The following TMPRSS12 variants were observed in gnomAD, a reference collection of about 807,000 sequenced individuals.
TMPRSS12 encodes the protein transmembrane protease serine 12.
TMPRSS12 carries 25 observed loss-of-function variants against 26.0 expected under a neutral mutation model. The observed-to-expected ratio is 0.96, with a 90% CI of 0.70 to 1.34. TMPRSS12 has a LOEUF of 1.34. Among genes scored for constraint, TMPRSS12 ranks in the 40% most tolerant of loss-of-function variants. The pLI is 0.00. For synonymous variants in TMPRSS12, 150 were observed against 161.7 expected (o/e 0.93, Z 0.55); for missense variants, 441 against 440.1 (o/e 1.00, Z -0.02).
Position 50,872,874 on chromosome 12 carries a change from A to G in TMPRSS12, c.653-12372A>G, listed in dbSNP as rs375187294. 1.8e-3 allele frequency among the ~76,000 whole-genome samples: 200 copies of G among 108,562 alleles called. 18 individuals carry two copies. The highest frequency in any genetic ancestry group is 4.8e-3 in the East Asian group (13 of 2,688). 71.2% of individuals were successfully genotyped at this position (108,562 alleles called of 152,430 possible). A position where few individuals can be genotyped will look rare whatever the true frequency, so the allele number is the denominator to read the frequency against. On this transcript the variant is annotated intron_variant, in intron 3 of 4. Transcript: ENST00000398458. ...TGTACATATATATGACTATATATGT[A>G]CATATATATGACGTATATATGTACA... is the stretch of plus-strand genomic sequence containing the variant.
rs1402597915 is a variant in TMPRSS12, at chr12:50,843,037, C to T, written c.73C>T (p.Pro25Ser). 1.9e-6 allele frequency: 3 copies of T among 1,605,756 alleles called. No individual in the cohort carries two copies. Among genetic ancestry groups the T allele is most frequent in the Non-Finnish European group, 2.6e-6 (3 of 1,176,368 alleles). ...TCACTTATACTCAGACCACTACTCG[C>T]CCTCTGGAAGGCACAGGCTCGGCCC... ...SSHLYSDHYSPSGRHRLGPSP... is the reference protein window; with the variant it reads ...SSHLYSDHYSSSGRHRLGPSP... Residue 25 changes from proline to serine, a missense_variant, in exon 1 of 5, where the codon CCC (proline) becomes TCC (serine). Pro to Ser is a moderately conservative substitution (Grantham distance 74, BLOSUM62 -1). Coordinates refer to ENST00000398458, the MANE Select transcript of TMPRSS12 (RefSeq NM_182559.3).
intron 2 of TMPRSS12, among the ~76,000 whole-genome samples, chr12:50,850,735 G>A (rs1423070766): frequency 6.6e-6 from 1 of 152,146 alleles, no homozygotes; most frequent in Non-Finnish European, 1.5e-5. Flanking sequence ...GCTACTGCTG[G>A]CACATGCACA....
rs1194398125 is a variant in TMPRSS12 at position 50,859,049 on chromosome 12, A to C, written c.648A>C (p.Glu216Asp). ...CFISGWGRTK[E>D]EGNATNILQD... ...TAAGTGGCTGGGGAAGAACAAAAGA[A>C]GAAGGTAATTATGGTCTGAATTTTA... The change falls in exon 3 of 5, where the codon GAA (glutamate) becomes GAC (aspartate). Residue 216 changes from glutamate (E) to aspartate (D), a missense_variant. Glu to Asp is a conservative substitution (Grantham distance 45, BLOSUM62 2). Transcript: ENST00000398458. The C allele has an allele frequency of 1.9e-6, 3 of 1,580,372 alleles. No homozygotes were observed. In the South Asian group the frequency reaches 3.6e-5, roughly 19 times the overall value.
intron 3 of TMPRSS12, among the ~76,000 whole-genome samples, chr12:50,873,274 A>G (rs1286088616): frequency 6.6e-6 from 1 of 152,130 alleles, no homozygotes; most frequent in Non-Finnish European, 1.5e-5. Flanking sequence ...AAAATCTCAC[A>G]AATCACCAGT....
intron 3 of TMPRSS12, among the ~76,000 whole-genome samples, chr12:50,881,961 CAAAAAAAAAAAAAAAAAAAAAAAA>C (rs1157663355): frequency 1.8e-4 from 11 of 60,184 alleles, no homozygotes; most frequent in South Asian, 6.4e-4. Context: ...GAGACCACTT[CAAAAAAAAAAAAAAAAAAAAAAAA>C]AAAAAAAAAA....
At chr12:50,843,788 A>G (rs1937736982) in intron 1 of TMPRSS12, 54 bp from the exon 2 acceptor site, 2 of 1,508,338 alleles carry the variant, frequency 1.3e-6, no homozygotes, top group Non-Finnish European at 9.0e-7. Context: ...CAGCTTAGGA[A>G]GTAACACATA....
intron 3 of TMPRSS12, among the ~76,000 whole-genome samples, chr12:50,869,642 C>G (rs571128194): frequency 7.2e-4 from 110 of 152,276 alleles, no homozygotes; most frequent in Non-Finnish European, 1.4e-3. Context: ...CTCCCTAATT[C>G]TTTCTATGAA....
At chr12:50,885,050 G>A (rs1330042169) in intron 3 of TMPRSS12, among the ~76,000 whole-genome samples, 196 bp from the exon 4 acceptor site, 5 of 151,844 alleles carry the variant, frequency 3.3e-5, no homozygotes, top group Admixed American at 2.6e-4. Context: ...TCTCAAAAAC[G>A]AACAAACAAA....
intron 3 of TMPRSS12, among the ~76,000 whole-genome samples, chr12:50,880,024 T>C (rs1186412115): frequency 2.0e-5 from 3 of 152,072 alleles, no homozygotes; most frequent in Non-Finnish European, 4.4e-5. Context: ...TAAGTCACCA[T>C]AGTGTTTGCA....
intron 3 of TMPRSS12, among the ~76,000 whole-genome samples, chr12:50,872,701 G>GTATGTGTACATA (rs1938065672): frequency 3.0e-5 from 2 of 67,162 alleles, no homozygotes; most frequent in Non-Finnish European, 6.1e-5. Flanking sequence ...TATATATGAC[G>GTATGTGTACATA]TATATGTGTA....
chr12:50,845,628 A>C (rs1207085349), intron 2 of TMPRSS12, among the ~76,000 whole-genome samples: 1 of 151,982 alleles, frequency 6.6e-6, no homozygotes, highest in Admixed American at 6.6e-5. Context: ...TTACCCAGAG[A>C]GTTATCTAAT....
chr12:50,846,459 G>C (rs1299308481), intron 2 of TMPRSS12, among the ~76,000 whole-genome samples: 1 of 151,838 alleles, frequency 6.6e-6, no homozygotes, highest in Non-Finnish European at 1.5e-5. Context: ...TATAGAGAGG[G>C]TGTATTTCTG....
intron 2 of TMPRSS12, among the ~76,000 whole-genome samples, chr12:50,851,029 A>C (rs1031894893): frequency 6.6e-6 from 1 of 152,230 alleles, no homozygotes; most frequent in Non-Finnish European, 1.5e-5. Flanking sequence ...AAGGGCATCA[A>C]AGAATATAAA....
chr12:50,872,799 TATGTAC>T (rs1268398009), intron 3 of TMPRSS12, among the ~76,000 whole-genome samples: 2 of 132,402 alleles, frequency 1.5e-5, no homozygotes, highest in Non-Finnish European at 3.2e-5. Context: ...ATGACGTATA[TATGTAC>T]ATATATATGA....
rs777194541 is a variant in TMPRSS12, at chr12:50,872,920, CAT to C, written c.653-12321_653-12320del. ...GTACATATATATGACTATATATGTA[CAT>C]ATATGATGTATATATGTACATATAT... On this transcript the variant is annotated intron_variant, in intron 3 of 4. Transcript: ENST00000398458. 2.4e-4 allele frequency among the ~76,000 whole-genome samples: 17 copies of C among 72,332 alleles called. 3 individuals are homozygous for C. Among genetic ancestry groups the C allele is most frequent in the African/African-American group, 8.5e-4 (16 of 18,876 alleles). The allele number at this position is 72,332 out of a possible 152,430, so 47.5% of individuals were successfully genotyped here. A position where few individuals can be genotyped will look rare whatever the true frequency, so the allele number is the denominator to read the frequency against.
At chr12:50,865,872 T>C (rs1205825461) in intron 3 of TMPRSS12, among the ~76,000 whole-genome samples, 1 of 152,158 alleles carries the variant, frequency 6.6e-6, no homozygotes, top group African/African-American at 2.4e-5. Context: ...CTGCCATGAT[T>C]GTAGGTTTCT....
At chr12:50,885,987 A>G (rs1938222769) in intron 4 of TMPRSS12, 1 of 153,596 alleles carries the variant, frequency 6.5e-6, no homozygotes, top group South Asian at 2.1e-4. Context: ...CTTTTTTATT[A>G]TAACCATCCT....
chr12:50,854,242 CT>C (rs1937855090), intron 2 of TMPRSS12, among the ~76,000 whole-genome samples: 1 of 152,110 alleles, frequency 6.6e-6, no homozygotes, highest in Non-Finnish European at 1.5e-5. Context: ...ACAGAAAAGG[CT>C]TTTGATAAAA....
chr12:50,867,930 A>G (rs1938006725), intron 3 of TMPRSS12, among the ~76,000 whole-genome samples: 1 of 152,190 alleles, frequency 6.6e-6, no homozygotes, highest in Admixed American at 6.5e-5. Flanking sequence ...ATGCTAAGAC[A>G]ATTTGCCACT....
Sources: allele counts gnomAD v4.1 joint callset (sites outside exome capture counted in the v4.1 genomes callset), GRCh38; gene constraint gnomAD v4.1.1; transcripts MANE v1.5; gene names NCBI Gene and HGNC (gene_info 2026-07-23, HGNC 2026-07-21).